The following ZNF10 variants were observed in gnomAD, a reference collection of about 807,000 sequenced individuals.
ZNF10 encodes zinc finger protein 10 (KOX 1).
A neutral mutation model predicts 12.2 loss-of-function variants in ZNF10; 8 were observed. The ratio of observed to expected loss-of-function variants is 0.66; its 90% CI spans 0.39 to 1.18. ZNF10 has a LOEUF of 1.18. ZNF10 is among the 50% of genes most tolerant of loss of function. The pLI is 0.01. For missense variants in ZNF10, 603 were observed against 678.9 expected, an observed-to-expected ratio of 0.89 and a Z score of 1.24; for synonymous variants, 229 against 228.2, an observed-to-expected ratio of 1.00 and a Z score of -0.03.
Position 133,144,464 on chromosome 12 carries a change from A to G in ZNF10, c.-29A>G. On this transcript the variant is annotated 5_prime_UTR_variant, in exon 2 of 5. Transcript: ENST00000248211. Reference sequence around the variant, plus strand: ...TCTCCTCAGCACTCTGCTGTCACTCAAGGAAGTATCATCAAGAACAAGGAG... The same window carrying G: ...TCTCCTCAGCACTCTGCTGTCACTCGAGGAAGTATCATCAAGAACAAGGAG... The G allele has an allele frequency of 6.2e-7, 1 of 1,612,918 alleles. No homozygotes were observed. Among genetic ancestry groups the G allele is most frequent in the South Asian group, 1.1e-5 (1 of 91,010 alleles).
intron 1 of ZNF10, chr12:133,143,845 A>G: frequency 8.5e-6 from 1 of 117,402 alleles, no homozygotes. Flanking sequence ...CTGAGTTCTC[A>G]TCTGGAGGCC....
chr12:133,152,754 T>C (rs2135464333), intron 4 of ZNF10, among the ~76,000 whole-genome samples: 1 of 152,268 alleles, frequency 6.6e-6, no homozygotes, highest in African/African-American at 2.4e-5. Context: ...AAAATTTATT[T>C]ATAGGCATTT....
chr12:133,137,424 A>G (rs1169643352), intron 1 of ZNF10, among the ~76,000 whole-genome samples: 4 of 152,170 alleles, frequency 2.6e-5, no homozygotes, highest in Admixed American at 2.0e-4. Context: ...TCTCTGGCCT[A>G]AACTATATGC....
rs1481539188 is a variant in ZNF10, at chr12:133,158,269, ATTAT to A, written c.*1303_*1306del. 6 of 152,184 alleles carry A rather than the reference ATTAT, an allele frequency of 3.9e-5. No homozygotes were observed. The highest frequency in any genetic ancestry group is 1.5e-5 in the Non-Finnish European group (1 of 68,018). 9.4% of individuals were successfully genotyped at this position (152,184 alleles called of 1,614,324 possible). ...ATGTTCTCTGTAGTTACTGGCTGTG[ATTAT>A]TAATAATATTGCCGCACCCTAATAT... On this transcript the variant is annotated 3_prime_UTR_variant, in exon 5 of 5. Transcript: ENST00000248211.
At position 133,157,169 on chromosome 12, in the gene ZNF10, T is replaced by G. The variant is rs138595774; in HGVS notation, c.*201T>G. The G allele has an allele frequency of 2.3e-6, 1 of 439,568 alleles. No homozygotes were observed. The highest frequency in any genetic ancestry group is 2.0e-5 in the African/African-American group (1 of 49,454). The allele number at this position is 439,568 out of a possible 1,614,324, so 27.2% of individuals were successfully genotyped here. A position where few individuals can be genotyped will look rare whatever the true frequency, so the allele number is the denominator to read the frequency against. On this transcript the variant is annotated 3_prime_UTR_variant, in exon 5 of 5. Transcript: ENST00000248211. ...ACAAATCCATCAGATTTTCTTCTTT[T>G]CATGAATTCCTACAGAAGTAATTGG...
intron 2 of ZNF10, among the ~76,000 whole-genome samples, chr12:133,148,655 C>T (rs1412838455): frequency 6.6e-6 from 1 of 151,990 alleles, no homozygotes; most frequent in Non-Finnish European, 1.5e-5. Context: ...CTAATACAGC[C>T]ACTCTAGCTT....
At position 133,151,913 on chromosome 12, in the gene ZNF10, C is replaced by A; in HGVS notation, c.256+9C>A. 6.2e-7 allele frequency: 1 copy of A among 1,611,446 alleles called. No homozygotes were observed. The highest frequency in any genetic ancestry group is 1.1e-5 in the South Asian group (1 of 90,990). ...CCAAGAGACCCATCCTGGTGAGGAC[C>A]AGTCAAGAGTTGTCATAGGCAGCAG... On this transcript the variant is annotated intron_variant, in intron 4 of 4. Coordinates refer to ENST00000248211, the MANE Select transcript of ZNF10 (RefSeq NM_015394.5).
chr12:133,147,825 A>G (rs755733716), intron 2 of ZNF10, among the ~76,000 whole-genome samples: 14 of 143,284 alleles, frequency 9.8e-5, no homozygotes, highest in Non-Finnish European at 2.0e-4. Context: ...ACGGGGTTTC[A>G]CCGTGTTGCC....
intron 2 of ZNF10, 108 bp from the exon 3 acceptor site, chr12:133,150,920 T>C: frequency 7.2e-7 from 1 of 1,396,342 alleles, no homozygotes; most frequent in Non-Finnish European, 9.7e-7. Context: ...TCCATCCACT[T>C]TACCTGCCCC....
intron 2 of ZNF10, chr12:133,145,062 T>G: frequency 3.3e-6 from 1 of 300,320 alleles, no homozygotes; most frequent in Non-Finnish European, 6.6e-6. Context: ...TTTTGTATTT[T>G]TAGTAGAGAC....
intron 4 of ZNF10, among the ~76,000 whole-genome samples, chr12:133,154,471 A>T (rs1395076594): frequency 6.6e-6 from 1 of 152,240 alleles, no homozygotes; most frequent in Non-Finnish European, 1.5e-5. Context: ...TTGACCATAA[A>T]TGTGCCAGAG....
chr12:133,147,314 T>C (rs1160237705), intron 2 of ZNF10, among the ~76,000 whole-genome samples: 2 of 152,230 alleles, frequency 1.3e-5, no homozygotes, highest in Non-Finnish European at 2.9e-5. Flanking sequence ...CGTTTAACTT[T>C]ATGAAAAATA....
rs1055704574 is a variant in ZNF10 at position 133,144,589 on chromosome 12, A to C, written c.33+64A>C. On this transcript the variant is annotated intron_variant, in intron 2 of 4. Coordinates refer to ENST00000248211, the MANE Select transcript of ZNF10 (RefSeq NM_015394.5). ...CCTTTTTGCTTTAGTTCCTTTGCCAAAGATCTTCAGAAATTATATCTTCTT... is the reference window on the plus strand; with the variant it reads ...CCTTTTTGCTTTAGTTCCTTTGCCACAGATCTTCAGAAATTATATCTTCTT... The C allele has an allele frequency of 4.7e-6, 7 of 1,493,064 alleles. No individual in the cohort carries two copies. The Admixed American group carries it at 1.3e-4, about 27-fold the overall frequency. The allele number at this position is 1,493,064 out of a possible 1,614,324, so 92.5% of individuals were successfully genotyped here.
In ZNF10 at chr12:133,155,465, C is replaced by G. The variant is rs370478335; in HGVS notation, c.257-38C>G. ...ACATCCTAGCATTCTCACCTTAATA[C>G]TCTGTTTAGTTACACAAACATTTTT... is the stretch of plus-strand genomic sequence containing the variant. On this transcript the variant is annotated intron_variant, in intron 4 of 4. Coordinates refer to ENST00000248211, the MANE Select transcript of ZNF10 (RefSeq NM_015394.5). 2.8e-5 allele frequency: 43 copies of G among 1,541,944 alleles called. No homozygotes were observed. In the African/African-American group the frequency reaches 5.2e-4, roughly 19 times the overall value.
intron 1 of ZNF10, among the ~76,000 whole-genome samples, chr12:133,133,908 T>C (rs1293578949): frequency 1.3e-5 from 2 of 152,006 alleles, no homozygotes; most frequent in African/African-American, 4.8e-5. Flanking sequence ...CAAAATAAAA[T>C]TTGCAGTTGT....
chr12:133,136,281 G>T (rs987667516), intron 1 of ZNF10, among the ~76,000 whole-genome samples: 1 of 151,742 alleles, frequency 6.6e-6, no homozygotes. Flanking sequence ...TCTTCTACCT[G>T]CCCTTTCTCT....
chr12:133,134,809 T>G (rs1345818523), intron 1 of ZNF10, among the ~76,000 whole-genome samples: 1 of 89,552 alleles, frequency 1.1e-5, no homozygotes. Context: ...CAAATAGAAT[T>G]ATATAGTCTT....
chr12:133,142,599 C>G (rs910141267), intron 1 of ZNF10, among the ~76,000 whole-genome samples: 8 of 152,026 alleles, frequency 5.3e-5, no homozygotes, highest in African/African-American at 1.9e-4. Context: ...TGAAAATATG[C>G]TCAACATCAT....
At position 133,157,080 on chromosome 12, in the gene ZNF10, A is replaced by G. The variant is rs1956047425; in HGVS notation, c.*112A>G. 5 of 988,086 alleles carry G rather than the reference A, an allele frequency of 5.1e-6. No individual in the cohort carries two copies. Among genetic ancestry groups the G allele is most frequent in the African/African-American group, 3.4e-5 (2 of 59,436 alleles). 61.2% of individuals were successfully genotyped at this position (988,086 alleles called of 1,614,324 possible). A position where few individuals can be genotyped will look rare whatever the true frequency, so the allele number is the denominator to read the frequency against. ...TGGAAATGCTTTCAGTCTTGTTACTATCCTATTGCACATTAGAGAATTGGT... is the reference window on the plus strand; with the variant it reads ...TGGAAATGCTTTCAGTCTTGTTACTGTCCTATTGCACATTAGAGAATTGGT... On this transcript the variant is annotated 3_prime_UTR_variant, in exon 5 of 5. Coordinates refer to ENST00000248211, the MANE Select transcript of ZNF10 (RefSeq NM_015394.5).
Sources: allele counts gnomAD v4.1 joint callset (sites outside exome capture counted in the v4.1 genomes callset), GRCh38; gene constraint gnomAD v4.1.1; transcripts MANE v1.5; gene names NCBI Gene and HGNC (gene_info 2026-07-23, HGNC 2026-07-21).